Variants in OTOGL observed in about 807,000 individuals in gnomAD.
OTOGL encodes otogelin like, also known as otogelin-like protein.
OTOGL carries 285 observed loss-of-function variants against 318.5 expected under a neutral mutation model. The observed-to-expected ratio is 0.89, with a 90% confidence interval of 0.81 to 0.99. The LOEUF is 0.99. Ranked by LOEUF, OTOGL falls within the 50% of genes least tolerant of loss-of-function variation. The pLI is 0.00. For missense variants in OTOGL, 2,899 were observed against 2,845.6 expected (o/e 1.02, Z -0.43); for synonymous variants, 987 against 936.5 (o/e 1.05, Z -0.99).
intron 11 of OTOGL, among the ~76,000 whole-genome samples, chr12:80,243,190 C>G (rs1472890000): frequency 6.6e-6 from 1 of 151,976 alleles, no homozygotes; most frequent in Non-Finnish European, 1.5e-5. Context: ...GAGAATGACA[C>G]CTTAACCTAC....
intron 7 of OTOGL, among the ~76,000 whole-genome samples, chr12:80,223,445 T>C (rs12299124): frequency 0.28 from 42,946 of 151,754 alleles, 8,479 homozygotes; most frequent in African/African-American, 0.56. Flanking sequence ...GGGAGATACC[T>C]AGGAGTAGGA....
chr12:80,221,458 G>A (rs1368765583), intron 6 of OTOGL, among the ~76,000 whole-genome samples: 1 of 151,692 alleles, frequency 6.6e-6, no homozygotes, highest in Non-Finnish European at 1.5e-5. Flanking sequence ...TAGTAGAGAC[G>A]GAGTTTCACC....
At chr12:80,331,333 A>ATTTTTTT (rs386377119) in intron 37 of OTOGL, among the ~76,000 whole-genome samples, 23 of 81,808 alleles carry the variant, frequency 2.8e-4, no homozygotes, top group East Asian at 4.2e-4. Flanking sequence ...AGTCATTAGA[A>ATTTTTTT]TTTTTTTTTT....
chr12:80,240,041 T>C (rs2137436949), intron 11 of OTOGL, among the ~76,000 whole-genome samples: 1 of 152,262 alleles, frequency 6.6e-6, no homozygotes, highest in African/African-American at 2.4e-5. Flanking sequence ...ATCCATGTTG[T>C]TGCAAATTAC....
chr12:80,365,470 C>T (rs1890473106), intron 52 of OTOGL, among the ~76,000 whole-genome samples: 1 of 152,038 alleles, frequency 6.6e-6, no homozygotes, highest in Non-Finnish European at 1.5e-5. Flanking sequence ...TAAGCCTAAG[C>T]TCAAGGAAAC....
intron 24 of OTOGL, among the ~76,000 whole-genome samples, chr12:80,273,737 T>C (rs1224432003): frequency 2.0e-5 from 3 of 152,018 alleles, no homozygotes; most frequent in Non-Finnish European, 4.4e-5. Context: ...TTTTTACAAA[T>C]TGAAGGTGTG....
At chr12:80,256,929 G>A (rs953721847) in intron 17 of OTOGL, among the ~76,000 whole-genome samples, 3 of 152,018 alleles carry the variant, frequency 2.0e-5, no homozygotes, top group Admixed American at 6.6e-5. Flanking sequence ...AGGAGGTGTC[G>A]AATTTTGCAG....
chr12:80,124,250 G>A lies in OTOGL; in HGVS notation c.-20+24645G>A, dbSNP rs575425466. Among the ~76,000 whole-genome samples the A allele has an allele frequency of 4.3e-3, 654 of 152,170 alleles. 5 individuals carry two copies. Among genetic ancestry groups the A allele is most frequent in the African/African-American group, 0.015 (613 of 41,522 alleles). ...GGAAGGGATCCAGTTTCAGCTTTCTGCATATGTCTAGCCAGTTTTCCCAGC... is the reference window on the plus strand; with the variant it reads ...GGAAGGGATCCAGTTTCAGCTTTCTACATATGTCTAGCCAGTTTTCCCAGC... On this transcript the variant is annotated intron_variant, in intron 1 of 58. Coordinates refer to ENST00000547103, the MANE Select transcript of OTOGL (RefSeq NM_001378609.3).
At chr12:80,255,831 A>G (rs1441736682) in intron 16 of OTOGL, among the ~76,000 whole-genome samples, 3 of 151,856 alleles carry the variant, frequency 2.0e-5, no homozygotes, top group Non-Finnish European at 4.4e-5. Context: ...TTTCCAACAA[A>G]AATTCTGAAC....
intron 24 of OTOGL, among the ~76,000 whole-genome samples, chr12:80,276,380 C>T (rs1467001721): frequency 6.6e-6 from 1 of 151,626 alleles, no homozygotes; most frequent in African/African-American, 2.4e-5. Flanking sequence ...TAGTGCCTTG[C>T]CATAGTAAGC....
At position 80,353,438 on chromosome 12, in the gene OTOGL, G is replaced by A; in HGVS notation, c.5521G>A (p.Asp1841Asn). The A allele has an allele frequency of 1.2e-6, 2 of 1,604,086 alleles. No homozygotes were observed. Among genetic ancestry groups the A allele is most frequent in the Non-Finnish European group, 1.7e-6 (2 of 1,174,778 alleles). ...GHTSCLNLRE[D>N]CVCKVGTILH... ...CACTTCCTGTTTGAATCTAAGAGAA[G>A]ACTGTGTGTGCAAAGTTGGAACTAT... Residue 1841 changes from aspartate (D) to asparagine (N), a missense_variant, in exon 46 of 59, where the codon GAC (aspartate) becomes AAC (asparagine). By Grantham distance (23) the Asp-to-Asn change is conservative. This residue lies in a region of OTOGL where 2,607 missense variants were observed against 2,524.9 expected (regional missense o/e 1.03). Transcript: ENST00000547103.
Position 80,355,839 on chromosome 12 carries a change from C to A in OTOGL, c.5697C>A (p.Ile1899=). 6.2e-7 allele frequency: 1 copy of A among 1,613,864 alleles called. No individual in the cohort carries two copies. The highest frequency in any genetic ancestry group is 8.5e-7 in the Non-Finnish European group (1 of 1,179,846). The part of the protein sequence containing the change: ...LYKCLENGSI[I]PIEPDCDEEP... ...AATGTTTGGAGAATGGAAGCATTAT[C>A]CCTATAGAACCTGACTGTGATGAAG... The change falls in exon 47 of 59, where the codon ATC becomes ATA. Residue 1899 remains isoleucine, a synonymous_variant. Transcript: ENST00000547103.
chr12:80,348,478 A>C (rs973123744), intron 44 of OTOGL, among the ~76,000 whole-genome samples: 1 of 152,092 alleles, frequency 6.6e-6, no homozygotes, highest in Admixed American at 6.6e-5. Flanking sequence ...CCATTGGTCT[A>C]TATGTCTGTT....
chr12:80,356,117 ACT>A (rs1889884484), intron 47 of OTOGL, among the ~76,000 whole-genome samples, 169 bp downstream of exon 47: 1 of 152,280 alleles, frequency 6.6e-6, no homozygotes, highest in African/African-American at 2.4e-5. Context: ...CACATGAAAA[ACT>A]CTGGCTATTC....
chr12:80,200,302 G>A (rs1468910105), intron 1 of OTOGL, among the ~76,000 whole-genome samples: 1 of 152,170 alleles, frequency 6.6e-6, no homozygotes, highest in Non-Finnish European at 1.5e-5. Context: ...CTCTGCCTTA[G>A]GTTTATGTGT....
At chr12:80,374,806 ATC>A in intron 57 of OTOGL, among the ~76,000 whole-genome samples, 1 of 152,198 alleles carries the variant, frequency 6.6e-6, no homozygotes, top group South Asian at 2.1e-4. Context: ...ACAGGGGAAT[ATC>A]TCTGTGACTA....
chr12:80,356,592 C>A, intron 48 of OTOGL, 72 bp downstream of exon 48: 1 of 1,219,436 alleles, frequency 8.2e-7, no homozygotes, highest in Non-Finnish European at 1.1e-6. Flanking sequence ...GATTCTCATT[C>A]ATTGTGTCTC....
chr12:80,117,103 G>A (rs1431324406), intron 1 of OTOGL, among the ~76,000 whole-genome samples: 1 of 152,128 alleles, frequency 6.6e-6, no homozygotes, highest in African/African-American at 2.4e-5. Context: ...AGATTCAACT[G>A]TCTCAATTGG....
intron 1 of OTOGL, among the ~76,000 whole-genome samples, chr12:80,173,067 C>T (rs141625449): frequency 9.2e-5 from 14 of 152,144 alleles, no homozygotes; most frequent in African/African-American, 2.4e-4. Flanking sequence ...CCTGCACATT[C>T]GGAACATGTA....
Sources: allele counts gnomAD v4.1 joint callset (sites outside exome capture counted in the v4.1 genomes callset), GRCh38; gene constraint gnomAD v4.1.1; regional missense constraint gnomAD v4.1.1; transcripts MANE v1.5; gene names NCBI Gene and HGNC (gene_info 2026-07-23, HGNC 2026-07-21).